Variants in RYR3 observed in about 807,000 individuals in gnomAD.
RYR3 encodes the protein ryanodine receptor 3, also known as brain ryanodine receptor-calcium release channel.
In RYR3, 207 loss-of-function variants were observed where a neutral mutation model predicts 584.3. The observed-to-expected ratio is 0.35, with a 90% confidence interval of 0.32 to 0.40. The LOEUF is 0.40. Ranked by LOEUF, RYR3 falls within the 10% of genes least tolerant of loss-of-function variation. The pLI, the probability that RYR3 is intolerant of heterozygous loss-of-function variation, is 1.00. For missense variants in RYR3, 5,616 were observed against 6,089.2 expected (o/e 0.92, Z 2.59); for synonymous variants, 2,416 against 2,248.5 (o/e 1.07, Z -2.11).
chr15:33,440,531 T>A (rs1474221316), intron 1 of RYR3, among the ~76,000 whole-genome samples: 1 of 152,150 alleles, frequency 6.6e-6, no homozygotes, highest in Non-Finnish European at 1.5e-5. Context: ...ATCTAGTGGG[T>A]TGAGGCCAAG....
At chr15:33,749,686 C>T (rs1383771930) in intron 55 of RYR3, among the ~76,000 whole-genome samples, 1 of 152,102 alleles carries the variant, frequency 6.6e-6, no homozygotes, top group East Asian at 1.9e-4. Context: ...TGATGTGCTG[C>T]CAGCATGCGG....
rs1435553686 is a variant in RYR3, at chr15:33,503,615, G to A, written c.172-16G>A. 4 of 1,515,832 alleles carry A rather than the reference G, an allele frequency of 2.6e-6. No individual in the cohort carries two copies. The highest frequency in any genetic ancestry group is 3.7e-6 in the Non-Finnish European group (4 of 1,095,848). 93.9% of individuals were successfully genotyped at this position (1,515,832 alleles called of 1,614,324 possible). ...TGATATGAGTAGGTATCCTCATTCT[G>A]ATTTTATTTCCACAGTACATTCCTC... On this transcript the variant is annotated splice_polypyrimidine_tract_variant and intron_variant, in intron 2 of 103. Coordinates refer to ENST00000634891, the MANE Select transcript of RYR3 (RefSeq NM_001036.6).
chr15:33,854,085 G>A (rs776810957), intron 96 of RYR3, among the ~76,000 whole-genome samples: 13 of 151,826 alleles, frequency 8.6e-5, no homozygotes, highest in Non-Finnish European at 1.8e-4. Context: ...AGTCCCAGCT[G>A]CTTGGGAGGC....
At chr15:33,642,978 T>C (rs1595941421) in intron 27 of RYR3, among the ~76,000 whole-genome samples, 4 of 152,212 alleles carry the variant, frequency 2.6e-5, no homozygotes, top group African/African-American at 9.7e-5. Context: ...CCACATAGCT[T>C]GCAAGAGATT....
chr15:33,686,139 A>T (rs2064990815), intron 38 of RYR3, among the ~76,000 whole-genome samples: 1 of 152,186 alleles, frequency 6.6e-6, no homozygotes, highest in Admixed American at 6.5e-5. Context: ...CCTTCAAAAA[A>T]ATCAATCCAG....
At chr15:33,344,104 G>T (rs919326811) in intron 1 of RYR3, among the ~76,000 whole-genome samples, 16 of 152,214 alleles carry the variant, frequency 1.1e-4, no homozygotes, top group African/African-American at 3.9e-4. Context: ...TTACAAAGCA[G>T]TATTAATGCA....
At chr15:33,523,466 T>C (rs1349144402) in intron 3 of RYR3, among the ~76,000 whole-genome samples, 3 of 152,120 alleles carry the variant, frequency 2.0e-5, no homozygotes, top group Non-Finnish European at 4.4e-5. Flanking sequence ...CTTCAGGAGC[T>C]GTAGCACTCA....
At chr15:33,487,330 C>A (rs983478967) in intron 2 of RYR3, among the ~76,000 whole-genome samples, 13 of 151,914 alleles carry the variant, frequency 8.6e-5, no homozygotes, top group African/African-American at 3.1e-4. Context: ...AATGAAAATA[C>A]AGAAGAGGAA....
intron 38 of RYR3, 36 bp from the exon 39 acceptor site, chr15:33,696,182 C>G: frequency 6.3e-7 from 1 of 1,584,844 alleles, no homozygotes; most frequent in Admixed American, 1.7e-5. Context: ...TGAGCCATGA[C>G]AGCCACAGTC....
chr15:33,584,531 G>GC, intron 15 of RYR3, 41 bp downstream of exon 15: 1 of 782,868 alleles, frequency 1.3e-6, no homozygotes, highest in Non-Finnish European at 2.0e-6. Context: ...AAGATGAAGG[G>GC]TTTTTTTTTT....
intron 1 of RYR3, among the ~76,000 whole-genome samples, chr15:33,353,480 G>A (rs528485985): frequency 1.3e-5 from 2 of 152,252 alleles, no homozygotes; most frequent in South Asian, 4.1e-4. Flanking sequence ...TATTTGGGAG[G>A]TAAAGCTAAC....
At chr15:33,863,997 A>G in intron 102 of RYR3, 141 bp from the exon 103 acceptor site, 2 of 595,894 alleles carry the variant, frequency 3.4e-6, no homozygotes, top group Non-Finnish European at 6.0e-6. Flanking sequence ...TTGTGTCCTT[A>G]TGCCACACTT....
At chr15:33,821,404 C>T (rs1328348863) in intron 79 of RYR3, 35 bp downstream of exon 79, 11 of 1,586,770 alleles carry the variant, frequency 6.9e-6, no homozygotes, top group Non-Finnish European at 9.5e-6. Context: ...GCTTATGTAA[C>T]TTCCACAAAG....
intron 2 of RYR3, among the ~76,000 whole-genome samples, chr15:33,476,758 A>G (rs1316788012): frequency 6.6e-6 from 1 of 152,206 alleles, no homozygotes; most frequent in Non-Finnish European, 1.5e-5. Flanking sequence ...CATACCCACC[A>G]TCCTTGCATG....
chr15:33,350,809 G>A (rs1247976906), intron 1 of RYR3, among the ~76,000 whole-genome samples: 5 of 150,276 alleles, frequency 3.3e-5, no homozygotes, highest in African/African-American at 1.2e-4. Context: ...GAGAAAGCAG[G>A]AAAGATCCAA....
At chr15:33,523,186 T>C (rs59936476) in intron 3 of RYR3, among the ~76,000 whole-genome samples, 2 of 152,200 alleles carry the variant, frequency 1.3e-5, no homozygotes, top group African/African-American at 4.8e-5. Context: ...CAGCACTCTG[T>C]AAAATGGACC....
At chr15:33,637,857 T>C (rs777140122) in intron 27 of RYR3, among the ~76,000 whole-genome samples, 9 of 152,176 alleles carry the variant, frequency 5.9e-5, no homozygotes, top group Non-Finnish European at 1.0e-4. Flanking sequence ...AACGTGCAGG[T>C]TTGTTACATA....
chr15:33,539,620 C>G (rs980518138), intron 6 of RYR3, among the ~76,000 whole-genome samples, 158 bp downstream of exon 6: 2 of 152,038 alleles, frequency 1.3e-5, no homozygotes, highest in Admixed American at 6.6e-5. Flanking sequence ...GGGATGCTGA[C>G]CCCCTGGCAC....
At chr15:33,323,673 G>A (rs1484673442) in intron 1 of RYR3, among the ~76,000 whole-genome samples, 2 of 152,218 alleles carry the variant, frequency 1.3e-5, no homozygotes, top group South Asian at 4.1e-4. Context: ...ACCTGTGGGT[G>A]TGCATGCATT....
Sources: gnomAD v4.1 joint callset for allele counts (sites outside exome capture counted in the v4.1 genomes callset) on GRCh38, gnomAD v4.1.1 for gene constraint, MANE v1.5 for transcripts, NCBI Gene and HGNC (gene_info 2026-07-23, HGNC 2026-07-21) for gene names.